The following AUTS2 variants were observed in gnomAD, a reference collection of about 807,000 sequenced individuals.
AUTS2 encodes the protein activator of transcription and developmental regulator AUTS2.
Under a neutral mutation model 112.4 loss-of-function variants are expected in AUTS2, and 17 were observed. The observed-to-expected ratio is 0.15, with a 90% confidence interval of 0.10 to 0.23. The LOEUF (loss-of-function observed/expected upper bound fraction) is 0.23. AUTS2 is among the 10% of genes least tolerant of loss of function. AUTS2 has a pLI of 1.00. For synonymous variants in AUTS2, 751 were observed against 702.7 expected (o/e 1.07, Z -1.09); for missense variants, 1,510 against 1,701.6 (o/e 0.89, Z 1.98).
chr7:70,085,235 G>T (rs1803534965), intron 2 of AUTS2, among the ~76,000 whole-genome samples: 1 of 152,090 alleles, frequency 6.6e-6, no homozygotes, highest in Non-Finnish European at 1.5e-5. Context: ...ACATACCAAG[G>T]ATACAGGGTT....
At chr7:70,249,960 C>T (rs1364286853) in intron 4 of AUTS2, among the ~76,000 whole-genome samples, 1 of 146,264 alleles carries the variant, frequency 6.8e-6, no homozygotes, top group African/African-American at 2.5e-5. Flanking sequence ...CATTAATTTA[C>T]TTAAAATATT....
chr7:70,052,618 C>G (rs1056225051), intron 2 of AUTS2, among the ~76,000 whole-genome samples: 1 of 152,160 alleles, frequency 6.6e-6, no homozygotes, highest in Non-Finnish European at 1.5e-5. Flanking sequence ...CCAACTGTAG[C>G]CCTACTCATA....
chr7:69,764,569 A>T (rs1324024928), intron 1 of AUTS2, among the ~76,000 whole-genome samples: 1 of 152,148 alleles, frequency 6.6e-6, no homozygotes, highest in Non-Finnish European at 1.5e-5. Context: ...GTAAAAAAAA[A>T]AAGTGATGTG....
intron 4 of AUTS2, among the ~76,000 whole-genome samples, chr7:70,311,941 C>T (rs1339894002): frequency 1.3e-5 from 2 of 152,216 alleles, no homozygotes; most frequent in African/African-American, 4.8e-5. Context: ...GTCTTGATCT[C>T]TTGACCTCGT....
rs528879504 is a variant in AUTS2, at chr7:70,357,669, G to A, written c.661-78083G>A. Reference sequence around the variant, plus strand: ...GGCCTTTTTAAGTGTGGAAGGGAATGTCTAGACTTGATACTTTAGAAAATC... The same window carrying A: ...GGCCTTTTTAAGTGTGGAAGGGAATATCTAGACTTGATACTTTAGAAAATC... On this transcript the variant is annotated intron_variant, in intron 4 of 18. Transcript: ENST00000342771. 2.0e-5 allele frequency among the ~76,000 whole-genome samples: 3 copies of A among 152,324 alleles called. No homozygotes were observed. The East Asian group carries it at 5.8e-4, about 29-fold the overall frequency.
intron 13 of AUTS2, among the ~76,000 whole-genome samples, chr7:70,775,805 C>G (rs1790649187): frequency 6.6e-6 from 1 of 152,284 alleles, no homozygotes; most frequent in South Asian, 2.1e-4. Flanking sequence ...AGCCGTTTGA[C>G]CTCCTTTTAA....
intron 2 of AUTS2, among the ~76,000 whole-genome samples, chr7:69,959,429 T>A (rs1332539329): frequency 6.6e-6 from 1 of 152,190 alleles, no homozygotes; most frequent in Non-Finnish European, 1.5e-5. Context: ...CTAAGTAATA[T>A]GTGATCTGGA....
intron 2 of AUTS2, among the ~76,000 whole-genome samples, chr7:69,920,800 A>C (rs1254419906): frequency 6.6e-6 from 1 of 152,156 alleles, no homozygotes; most frequent in Non-Finnish European, 1.5e-5. Flanking sequence ...TACATGTTTT[A>C]CATGCATTCT....
intron 1 of AUTS2, among the ~76,000 whole-genome samples, chr7:69,880,257 G>A (rs1041977620): frequency 1.4e-4 from 21 of 152,208 alleles, no homozygotes; most frequent in East Asian, 5.8e-4. Context: ...GGGGAAATCC[G>A]TCCCCATCAT....
At chr7:70,280,011 A>G (rs1248430725) in intron 4 of AUTS2, among the ~76,000 whole-genome samples, 1 of 152,236 alleles carries the variant, frequency 6.6e-6, no homozygotes, top group Non-Finnish European at 1.5e-5. Flanking sequence ...TTACAACTGT[A>G]GTTGAACACA....
intron 2 of AUTS2, among the ~76,000 whole-genome samples, chr7:69,902,831 T>C (rs1456204182): frequency 2.0e-5 from 3 of 152,206 alleles, no homozygotes; most frequent in Admixed American, 6.5e-5. Flanking sequence ...CTGACACTTA[T>C]TTGTTGGATT....
chr7:70,682,665 A>T (rs1808269820), intron 5 of AUTS2, among the ~76,000 whole-genome samples: 1 of 152,282 alleles, frequency 6.6e-6, no homozygotes, highest in African/African-American at 2.4e-5. Context: ...TGTTTCACTT[A>T]CCTATTATTG....
chr7:69,656,755 A>G (rs1366803567), intron 1 of AUTS2, among the ~76,000 whole-genome samples: 1 of 152,144 alleles, frequency 6.6e-6, no homozygotes, highest in Admixed American at 6.5e-5. Flanking sequence ...TTGATGTTGG[A>G]TCACAAGCCC....
At chr7:70,627,292 A>G (rs967988797) in intron 5 of AUTS2, among the ~76,000 whole-genome samples, 1 of 152,050 alleles carries the variant, frequency 6.6e-6, no homozygotes, top group Non-Finnish European at 1.5e-5. Context: ...CATGTGTTGT[A>G]TGTCTTCTTT....
At chr7:70,207,435 A>G (rs573803322) in intron 4 of AUTS2, among the ~76,000 whole-genome samples, 2 of 152,218 alleles carry the variant, frequency 1.3e-5, no homozygotes, top group Non-Finnish European at 2.9e-5. Context: ...AAAATGTATG[A>G]AGAATTAGAA....
chr7:69,899,198 C>T (rs1794869223), intron 1 of AUTS2, 88 bp from the exon 2 acceptor site: 2 of 961,396 alleles, frequency 2.1e-6, no homozygotes, highest in Admixed American at 4.0e-5. Flanking sequence ...TTAGTAGTAA[C>T]ACCCTTTAGT....
intron 1 of AUTS2, among the ~76,000 whole-genome samples, chr7:69,635,067 T>A (rs1198906107): frequency 6.6e-6 from 1 of 152,094 alleles, no homozygotes; most frequent in African/African-American, 2.4e-5. Flanking sequence ...AAGCCCATGG[T>A]CCCCATGTGT....
chr7:69,659,355 G>A (rs971352784), intron 1 of AUTS2, among the ~76,000 whole-genome samples: 12 of 151,586 alleles, frequency 7.9e-5, no homozygotes, highest in African/African-American at 2.9e-4. Flanking sequence ...TATATTCATT[G>A]TTTGCTGTGG....
chr7:70,690,080 G>T (rs911361050), intron 5 of AUTS2, among the ~76,000 whole-genome samples: 2 of 152,186 alleles, frequency 1.3e-5, no homozygotes, highest in Non-Finnish European at 2.9e-5. Context: ...GCCCCAAGAG[G>T]TGTGGCTCCT....
Sources: allele counts gnomAD v4.1 joint callset (sites outside exome capture counted in the v4.1 genomes callset), GRCh38; gene constraint gnomAD v4.1.1; transcripts MANE v1.5; gene names NCBI Gene and HGNC (gene_info 2026-07-23, HGNC 2026-07-21).